PTBP1: variants seen among roughly 807,000 people sequenced by gnomAD.
PTBP1 encodes polypyrimidine tract-binding protein 1.
PTBP1 carries 8 observed loss-of-function variants against 59.8 expected under a neutral mutation model. The observed-to-expected ratio is 0.13, with a 90% CI of 0.08 to 0.24. The LOEUF (loss-of-function observed/expected upper bound fraction) is 0.24. Among genes scored for constraint, PTBP1 ranks in the 10% least tolerant of loss-of-function variants. PTBP1 has a pLI of 1.00. For synonymous variants in PTBP1, 490 were observed against 320.7 expected (o/e 1.53, Z -5.64); for missense variants, 686 against 767.0 (o/e 0.89, Z 1.25).
intron 1 of PTBP1, among the ~76,000 whole-genome samples, chr19:797,979 C>T (rs1599211924): frequency 1.3e-5 from 2 of 149,858 alleles, no homozygotes; most frequent in East Asian, 1.9e-4. Flanking sequence ...TTTCCCGCCG[C>T]CCGGACTCTG....
Position 808,894 on chromosome 19 carries a change from A to AGT in PTBP1, c.1463+133_1463+134dup. The AGT allele has an allele frequency of 3.7e-6, 3 of 814,354 alleles. No individual in the cohort carries two copies. Among genetic ancestry groups the AGT allele is most frequent in the Non-Finnish European group, 3.9e-6 (2 of 506,378 alleles). The allele number at this position is 814,354 out of a possible 1,614,324, so 50.4% of individuals were successfully genotyped here. On this transcript the variant is annotated intron_variant, in intron 13 of 14. Transcript: ENST00000356948. This position sits in a 1 kb window ranked among gnomAD's most constrained non-coding sequence, Gnocchi z 4.7. ...CGGGCACCTCTTACCCCAAACCTGA[A>AGT]GTACTGCAAGGCCTGGAGCTTGAGC...
rs2145026266 is a variant in PTBP1 at position 808,481 on chromosome 19, A to G, written c.1246+29A>G. The stretch of plus-strand genomic sequence containing the variant: ...AGAGGCCGGGGCGGCCCCGGGGTGG[A>G]GGGGGCAGGGGCGGGGGCTGCGTTC... On this transcript the variant is annotated intron_variant, in intron 12 of 14. Transcript: ENST00000356948. The surrounding 1 kb of genome is among the most constrained non-coding windows in gnomAD (Gnocchi z 4.7). 1.3e-6 allele frequency: 2 copies of G among 1,496,334 alleles called. No individual in the cohort carries two copies. Among genetic ancestry groups the G allele is most frequent in the Non-Finnish European group, 1.8e-6 (2 of 1,097,620 alleles). 92.7% of individuals were successfully genotyped at this position (1,496,334 alleles called of 1,614,324 possible).
chr19:810,564 T>C lies in PTBP1; in HGVS notation c.1485T>C (p.Asp495=). 2 of 1,613,252 alleles carry C rather than the reference T, an allele frequency of 1.2e-6. No homozygotes were observed. The highest frequency in any genetic ancestry group is 2.2e-5 in the South Asian group (2 of 90,974). The change falls in exon 14 of 15, where the codon GAT becomes GAC. Residue 495 remains aspartate (D), a synonymous_variant. Coordinates refer to ENST00000356948, the MANE Select transcript of PTBP1 (RefSeq NM_002819.5). ...SNIPPSVSEE[D]LKVLFSSNGG... The stretch of plus-strand genomic sequence containing the variant: ...ACAGGCCCTCAGTCTCCGAGGAGGA[T>C]CTCAAGGTCCTGTTTTCCAGCAATG...
chr19:797,791 G>A (rs1228902675), intron 1 of PTBP1, among the ~76,000 whole-genome samples: 1 of 143,988 alleles, frequency 6.9e-6, no homozygotes. Flanking sequence ...GCGCGTCCCC[G>A]CACTTCGCCT....
At chr19:799,036 G>C (rs2034208355) in intron 1 of PTBP1, among the ~76,000 whole-genome samples, 1 of 152,236 alleles carries the variant, frequency 6.6e-6, no homozygotes, top group Admixed American at 6.5e-5. Context: ...GCCTCTCCGA[G>C]GCGTTTCCAA....
At position 808,631 on chromosome 19, in the gene PTBP1, C is replaced by T. The variant is rs1058275; in HGVS notation, c.1332C>T (p.Arg444=). 4,302 of 1,611,156 alleles carry T rather than the reference C, an allele frequency of 2.7e-3. 78 individuals carry two copies. The African/African-American group carries it at 0.044, about 17-fold the overall frequency. Reference sequence around the variant, plus strand: ...AGCACCAGAACGTGCAGCTGCCCCGCGAGGGCCAGGAGGACCAGGGCCTGA... The same window carrying T: ...AGCACCAGAACGTGCAGCTGCCCCGTGAGGGCCAGGAGGACCAGGGCCTGA... The part of the protein sequence containing the change: ...LSKHQNVQLP[R]EGQEDQGLTK... The change falls in exon 13 of 15, where the codon CGC becomes CGT. Residue 444 remains arginine (R), a synonymous_variant. Coordinates refer to ENST00000356948, the MANE Select transcript of PTBP1 (RefSeq NM_002819.5). This position sits in a 1 kb window ranked among gnomAD's most constrained non-coding sequence, Gnocchi z 4.7.
chr19:798,122 C>G (rs1397930755), intron 1 of PTBP1, among the ~76,000 whole-genome samples: 2 of 152,014 alleles, frequency 1.3e-5, no homozygotes, highest in Non-Finnish European at 2.9e-5. Context: ...CGCCCCGGGC[C>G]GCGGCCAAGG....
intron 2 of PTBP1, among the ~76,000 whole-genome samples, chr19:800,221 G>T (rs1298141657): frequency 6.6e-6 from 1 of 151,650 alleles, no homozygotes; most frequent in African/African-American, 2.4e-5. Context: ...GTTGTGAGCC[G>T]CCAGACCCGG....
chr19:802,396 G>A (rs2034373564), intron 2 of PTBP1, among the ~76,000 whole-genome samples: 1 of 151,670 alleles, frequency 6.6e-6, no homozygotes, highest in East Asian at 1.9e-4. Context: ...GGGGCTCTTT[G>A]GCCAGGTGTG....
In PTBP1 at chr19:806,497, A is replaced by C; in HGVS notation, c.1060A>C (p.Ile354Leu). Reference sequence around the variant, plus strand: ...AGCTGCGGCGGCAGGTCGGATCGCCATCCCGGGCCTGGCGGGGGCAGGAAA... The same window carrying C: ...AGCTGCGGCGGCAGGTCGGATCGCCCTCCCGGGCCTGGCGGGGGCAGGAAA... ...AAAAAAGRIA[I>L]PGLAGAGNSV... Residue 354 changes from isoleucine to leucine, a missense_variant, in exon 10 of 15, where the codon ATC becomes CTC. By Grantham distance (5) the Ile-to-Leu change is conservative. Coordinates refer to ENST00000356948, the MANE Select transcript of PTBP1 (RefSeq NM_002819.5). 1 of 1,578,950 alleles carries C rather than the reference A, an allele frequency of 6.3e-7. No homozygotes were observed. The highest frequency in any genetic ancestry group is 8.6e-7 in the Non-Finnish European group (1 of 1,165,164).
intron 10 of PTBP1, chr19:807,165 C>T (rs988361161): frequency 1.3e-5 from 2 of 152,442 alleles, no homozygotes; most frequent in African/African-American, 4.8e-5. Context: ...CTGCCTGTGC[C>T]TCTTACCACG....
At chr19:804,764 G>A (rs1249099998) in intron 6 of PTBP1, 62 bp downstream of exon 6, 13 of 1,606,464 alleles carry the variant, frequency 8.1e-6, no homozygotes, top group East Asian at 4.5e-5. Context: ...ACAGGCACAC[G>A]GGAGGGGCCT....
chr19:805,666 G>A (rs2034531879), intron 9 of PTBP1, 97 bp downstream of exon 9: 1 of 1,030,970 alleles, frequency 9.7e-7, no homozygotes, highest in Non-Finnish European at 1.5e-6. Flanking sequence ...GGCGGACTGG[G>A]CACTCGAGTG....
At position 810,791 on chromosome 19, in the gene PTBP1, C is replaced by T. The variant is rs758423418; in HGVS notation, c.1639C>T (p.His547Tyr). 3 of 1,596,328 alleles carry T rather than the reference C, an allele frequency of 1.9e-6. No individual in the cohort carries two copies. Among genetic ancestry groups the T allele is most frequent in the African/African-American group, 1.4e-5 (1 of 73,960 alleles). The change falls in exon 15 of 15, where the codon CAC (histidine) becomes TAC (tyrosine). Residue 547 changes from histidine (H) to tyrosine (Y), a missense_variant. Physicochemically the swap from His to Tyr is moderately conservative, Grantham distance 83 (BLOSUM62 2). Coordinates refer to ENST00000356948, the MANE Select transcript of PTBP1 (RefSeq NM_002819.5). Reference sequence around the variant, plus strand: ...CAACCACGACCTCGGGGAGAACCACCACCTGCGGGTCTCCTTCTCCAAGTC... The same window carrying T: ...CAACCACGACCTCGGGGAGAACCACTACCTGCGGGTCTCCTTCTCCAAGTC... ...LHNHDLGENH[H>Y]LRVSFSKSTI
At chr19:806,283 C>A in intron 9 of PTBP1, 125 bp from the exon 10 acceptor site, 1 of 1,151,254 alleles carries the variant, frequency 8.7e-7, no homozygotes, top group Non-Finnish European at 1.2e-6. Context: ...CAGGGTAGGG[C>A]CAGAGCCAGG....
In PTBP1 at chr19:808,770, C is replaced by T. The variant is rs1422882231; in HGVS notation, c.1463+8C>T. 10 of 1,607,246 alleles carry T rather than the reference C, an allele frequency of 6.2e-6. No homozygotes were observed. The African/African-American group carries it at 1.2e-4, about 19-fold the overall frequency. On this transcript the variant is annotated splice_region_variant and intron_variant, in intron 13 of 14. Transcript: ENST00000356948. This position sits in a 1 kb window ranked among gnomAD's most constrained non-coding sequence, Gnocchi z 4.7. ...GCACCTCTCCAACATCCCGTGAGTG[C>T]TGGGCCGGGGGGCTCATGGGGCCGG...
intron 9 of PTBP1, chr19:806,115 C>A: frequency 5.7e-6 from 2 of 348,388 alleles, no homozygotes; most frequent in South Asian, 6.7e-5. Flanking sequence ...GCCGAGGGCC[C>A]CGTGTCTGTG....
Position 811,005 on chromosome 19 carries a change from A to G in PTBP1, c.*179A>G, listed in dbSNP as rs990796644. ...AGTTCACCTTGCTCACCCTGCGGTGACAGGGACAGCTCAGGCTCTTGGTGA... is the reference window on the plus strand; with the variant it reads ...AGTTCACCTTGCTCACCCTGCGGTGGCAGGGACAGCTCAGGCTCTTGGTGA... On this transcript the variant is annotated 3_prime_UTR_variant, in exon 15 of 15. Coordinates refer to ENST00000356948, the MANE Select transcript of PTBP1 (RefSeq NM_002819.5). 9.4e-6 allele frequency: 6 copies of G among 635,522 alleles called. No homozygotes were observed. The African/African-American group carries it at 9.7e-5, about 10-fold the overall frequency. The allele number at this position is 635,522 out of a possible 1,614,324, so 39.4% of individuals were successfully genotyped here.
At position 810,741 on chromosome 19, in the gene PTBP1, C is replaced by T; in HGVS notation, c.1589C>T (p.Ala530Val). 1 of 1,607,674 alleles carries T rather than the reference C, an allele frequency of 6.2e-7. No individual in the cohort carries two copies. Among genetic ancestry groups the T allele is most frequent in the Non-Finnish European group, 8.5e-7 (1 of 1,178,124 alleles). ...ALIQMGSVEEAVQALIDLHNH... is the reference protein window; with the variant it reads ...ALIQMGSVEEVVQALIDLHNH... ...ATCCAGATGGGCTCCGTGGAGGAGG[C>T]GGTCCAGGCCCTCATTGACCTGCAC... The change falls in exon 15 of 15, where the codon GCG becomes GTG. Residue 530 changes from alanine (A) to valine (V), a missense_variant. Transcript: ENST00000356948.
Sources: gnomAD v4.1 joint callset for allele counts (sites outside exome capture counted in the v4.1 genomes callset) on GRCh38, gnomAD v4.1.1 for gene constraint, Gnocchi (gnomAD v3.1) non-coding constraint, MANE v1.5 for transcripts, NCBI Gene and HGNC (gene_info 2026-07-23, HGNC 2026-07-21) for gene names.